The following NBAS variants were observed in gnomAD, a reference collection of about 807,000 sequenced individuals.
The protein encoded by NBAS is NBAS subunit of NRZ tethering complex, also known as NAG/BC035112 fusion.
NBAS carries 219 observed loss-of-function variants against 302.5 expected under a neutral mutation model. That is an observed-to-expected ratio of 0.72 (90% CI 0.65 to 0.81). The LOEUF (loss-of-function observed/expected upper bound fraction) is 0.81, where lower values mean the gene tolerates loss of function less well. Among genes scored for constraint, NBAS ranks in the 30% least tolerant of loss-of-function variants. The pLI, the probability that NBAS is intolerant of heterozygous loss-of-function variation, is 0.00. For missense variants in NBAS, 2,932 were observed against 2,841.6 expected (o/e 1.03, Z -0.72); for synonymous variants, 1,118 against 1,021.6 (o/e 1.09, Z -1.80).
chr2:14,822,962 T>C, the NBAS span, among the ~76,000 whole-genome samples: 3 of 152,178 alleles, frequency 2.0e-5, no homozygotes, highest in African/African-American at 4.8e-5. Flanking sequence ...CAAATGACTT[T>C]CCAAACAGTG....
chr2:15,217,413 G>T (rs76369132), intron 48 of NBAS, among the ~76,000 whole-genome samples: 14,077 of 152,252 alleles, frequency 0.092, 1,119 homozygotes, highest in East Asian at 0.31. Flanking sequence ...TAATTACAAA[G>T]ATATTCGTGA....
chr2:15,476,701 C>T (rs1042464951), intron 13 of NBAS, among the ~76,000 whole-genome samples: 13 of 151,666 alleles, frequency 8.6e-5, no homozygotes, highest in Admixed American at 6.6e-5. Flanking sequence ...GGCGACAGAG[C>T]GAGACTCTGT....
chr2:15,505,942 G>A (rs1042941996), intron 10 of NBAS, among the ~76,000 whole-genome samples: 21 of 150,400 alleles, frequency 1.4e-4, no homozygotes, highest in African/African-American at 5.2e-4. Context: ...AATAAATTCA[G>A]GAAATAAATA....
chr2:15,261,455 T>G (rs1228725047), intron 44 of NBAS, among the ~76,000 whole-genome samples: 1 of 152,262 alleles, frequency 6.6e-6, no homozygotes, highest in African/African-American at 2.4e-5. Context: ...CATTCATTTA[T>G]ACACTTAACA....
the NBAS span, among the ~76,000 whole-genome samples, chr2:14,880,695 TAA>T: frequency 6.6e-6 from 1 of 151,110 alleles, no homozygotes; most frequent in Non-Finnish European, 1.5e-5. Context: ...TGAAAGACAA[TAA>T]AAGAGGATTC....
intron 11 of NBAS, among the ~76,000 whole-genome samples, chr2:15,498,653 T>G (rs1349508426): frequency 1.3e-5 from 2 of 152,298 alleles, no homozygotes; most frequent in Admixed American, 6.5e-5. Context: ...GGGAAGTGAC[T>G]GAACCATGGG....
At chr2:15,421,615 A>G (rs759114273) in intron 23 of NBAS, among the ~76,000 whole-genome samples, 1 of 151,940 alleles carries the variant, frequency 6.6e-6, no homozygotes, top group Non-Finnish European at 1.5e-5. Flanking sequence ...CCTAACATGA[A>G]GCCAAAAAAA....
chr2:14,794,079 G>A, the NBAS span, among the ~76,000 whole-genome samples: 1 of 152,268 alleles, frequency 6.6e-6, no homozygotes, highest in South Asian at 2.1e-4. Flanking sequence ...AGAAAGAAAT[G>A]ATTTAAGAAA....
the NBAS span, among the ~76,000 whole-genome samples, chr2:14,971,582 C>T: frequency 6.6e-6 from 1 of 152,116 alleles, no homozygotes; most frequent in East Asian, 1.9e-4. Context: ...CCTTCGTTTT[C>T]CCTTTTCTTC....
intron 47 of NBAS, among the ~76,000 whole-genome samples, chr2:15,223,434 G>A (rs1667033976): frequency 6.6e-6 from 1 of 152,016 alleles, no homozygotes; most frequent in East Asian, 1.9e-4. Flanking sequence ...ACTAGAATAG[G>A]AAGAAGGAAA....
intron 7 of NBAS, among the ~76,000 whole-genome samples, chr2:15,538,740 G>C (rs768157742): frequency 1.2e-4 from 18 of 152,174 alleles, no homozygotes. Flanking sequence ...GACAAAATGA[G>C]AACATCTGCC....
At chr2:15,424,099 A>G (rs1046621911) in intron 23 of NBAS, among the ~76,000 whole-genome samples, 2 of 152,250 alleles carry the variant, frequency 1.3e-5, no homozygotes, top group African/African-American at 4.8e-5. Flanking sequence ...TTAGGTTTTA[A>G]CGTTACTTTT....
the NBAS span, among the ~76,000 whole-genome samples, chr2:14,829,829 A>AT: frequency 2.6e-5 from 4 of 152,224 alleles, no homozygotes; most frequent in Admixed American, 1.3e-4. Context: ...CTCCGCATTC[A>AT]TTTTTAGGAA....
At chr2:15,323,812 G>A (rs1036045418) in intron 38 of NBAS, among the ~76,000 whole-genome samples, 4 of 151,162 alleles carry the variant, frequency 2.6e-5, no homozygotes, top group Non-Finnish European at 5.9e-5. Context: ...TCCAGCCTGG[G>A]CGACACAGCA....
intron 48 of NBAS, among the ~76,000 whole-genome samples, chr2:15,200,292 T>C (rs1204047977): frequency 6.6e-6 from 1 of 152,174 alleles, no homozygotes; most frequent in Non-Finnish European, 1.5e-5. Context: ...TTTGGGAAAA[T>C]AAAATTGTAG....
At chr2:15,315,926 A>G in intron 38 of NBAS, among the ~76,000 whole-genome samples, 1 of 152,180 alleles carries the variant, frequency 6.6e-6, no homozygotes, top group Non-Finnish European at 1.5e-5. Flanking sequence ...CAGAGATCCT[A>G]ATAAAGTAGA....
intron 29 of NBAS, among the ~76,000 whole-genome samples, chr2:15,381,028 C>T (rs889054666): frequency 1.3e-5 from 2 of 152,030 alleles, no homozygotes; most frequent in African/African-American, 4.8e-5. Context: ...AAAGAGCAAC[C>T]CTAATCACTT....
intron 48 of NBAS, among the ~76,000 whole-genome samples, chr2:15,191,560 C>T (rs1343860379): frequency 6.6e-6 from 1 of 152,124 alleles, no homozygotes; most frequent in Non-Finnish European, 1.5e-5. Context: ...AGTCAGTTTA[C>T]CCTTACAGCA....
At chr2:15,091,403 T>G in the NBAS span, among the ~76,000 whole-genome samples, 1 of 152,172 alleles carries the variant, frequency 6.6e-6, no homozygotes, top group Admixed American at 6.5e-5. Flanking sequence ...AATGTGAAAA[T>G]GATGAGGATA....
Sources: allele counts gnomAD v4.1 joint callset (sites outside exome capture counted in the v4.1 genomes callset), GRCh38; gene constraint gnomAD v4.1.1; transcripts MANE v1.5; gene names NCBI Gene and HGNC (gene_info 2026-07-23, HGNC 2026-07-21).